The following IL7 variants were observed in gnomAD, a reference collection of about 807,000 sequenced individuals.
IL7 encodes the protein interleukin-7.
In IL7, 3 loss-of-function variants were observed where a neutral mutation model predicts 21.6. The ratio of observed to expected loss-of-function variants is 0.14; its 90% CI spans 0.06 to 0.36. The LOEUF (loss-of-function observed/expected upper bound fraction) is 0.36, where lower values mean the gene tolerates loss of function less well. Ranked by LOEUF, IL7 falls within the 10% of genes least tolerant of loss-of-function variation. IL7 has a pLI of 1.00. For synonymous variants in IL7, 62 were observed against 68.1 expected (o/e 0.91, Z 0.44); for missense variants, 175 against 200.2 (o/e 0.87, Z 0.76).
intron 3 of IL7, among the ~76,000 whole-genome samples, chr8:78,690,605 A>G (rs1453436855): frequency 6.6e-6 from 1 of 151,998 alleles, no homozygotes; most frequent in Non-Finnish European, 1.5e-5. Flanking sequence ...ACATTTATAT[A>G]TACATTTTAT....
At chr8:78,744,692 C>T (rs918286581) in intron 2 of IL7, among the ~76,000 whole-genome samples, 5 of 152,136 alleles carry the variant, frequency 3.3e-5, no homozygotes, top group African/African-American at 9.7e-5. Flanking sequence ...GTTACTTTTG[C>T]CGGGAAGCCT....
chr8:78,743,088 C>T (rs1267192530), intron 2 of IL7, among the ~76,000 whole-genome samples: 3 of 152,202 alleles, frequency 2.0e-5, no homozygotes, highest in Non-Finnish European at 4.4e-5. Context: ...TTTGTGGCTG[C>T]ATAGTGTTCC....
At chr8:78,726,288 T>C (rs1480782663) in intron 3 of IL7, among the ~76,000 whole-genome samples, 2 of 152,032 alleles carry the variant, frequency 1.3e-5, no homozygotes, top group Non-Finnish European at 2.9e-5. Context: ...TTCAATGTGA[T>C]TGATATGTGC....
intron 4 of IL7, chr8:78,678,866 T>G: frequency 5.5e-6 from 2 of 366,494 alleles, no homozygotes; most frequent in Non-Finnish European, 9.5e-6. Context: ...ACAAATTTTA[T>G]TTTAAAAAAT....
chr8:78,728,736 G>C (rs188074970), downstream of IL7, among the ~76,000 whole-genome samples: 69 of 152,022 alleles, frequency 4.5e-4, no homozygotes, highest in African/African-American at 1.6e-3. Context: ...CAGTACTTGG[G>C]GGGAGGAGAT....
intron 6 of IL7, chr8:78,718,388 TG>T (rs2130624845): frequency 6.6e-6 from 1 of 152,106 alleles, no homozygotes; most frequent in Admixed American, 6.5e-5. Context: ...TATAATTTTT[TG>T]TATCTGAATT....
chr8:78,762,337 T>C, intron 2 of IL7: 1 of 1,611,242 alleles, frequency 6.2e-7, no homozygotes, highest in Non-Finnish European at 8.5e-7. Flanking sequence ...ACTTCTGGCA[T>C]CTGGCAGGGT....
chr8:78,712,268 A>G (rs1810975691), intron 3 of IL7, among the ~76,000 whole-genome samples: 1 of 152,132 alleles, frequency 6.6e-6, no homozygotes. Flanking sequence ...AAACATTTTG[A>G]TTTTTAGTAA....
chr8:78,698,133 G>T (rs553400726), intron 3 of IL7, among the ~76,000 whole-genome samples: 1 of 152,064 alleles, frequency 6.6e-6, no homozygotes, highest in African/African-American at 2.4e-5. Flanking sequence ...TCTGAACTGG[G>T]CAATTGTTCG....
chr8:78,681,901 C>CTTTTTTTTTTTTTTTTTTTT (rs56181953), intron 4 of IL7, among the ~76,000 whole-genome samples: 3 of 126,468 alleles, frequency 2.4e-5, no homozygotes, highest in African/African-American at 2.8e-5. Context: ...CTTTTTCTTT[C>CTTTTTTTTTTTTTTTTTTTT]TTTTTTTTTT....
rs1182124242 is a variant in IL7, at chr8:78,733,032, TTTTTATTTTA to T, written c.*671_*680del. The T allele has an allele frequency of 1.3e-5, 2 of 152,094 alleles. No individual in the cohort carries two copies. The highest frequency in any genetic ancestry group is 2.9e-5 in the Non-Finnish European group (2 of 67,984). The allele number at this position is 152,094 out of a possible 1,614,324, so 9.4% of individuals were successfully genotyped here. A position where few individuals can be genotyped will look rare whatever the true frequency, so the allele number is the denominator to read the frequency against. On this transcript the variant is annotated 3_prime_UTR_variant, in exon 6 of 6. Coordinates refer to ENST00000263851, the MANE Select transcript of IL7 (RefSeq NM_000880.4). ...AGCATCCTTAGACTAGGTGAATTTA[TTTTTATTTTA>T]TTTTATTTTTTTGAAATTGTCCTTT...
At chr8:78,747,466 T>G (rs1287157831) in intron 2 of IL7, among the ~76,000 whole-genome samples, 2 of 152,182 alleles carry the variant, frequency 1.3e-5, no homozygotes, top group African/African-American at 4.8e-5. Context: ...TATGACAACC[T>G]ATCCATGGCC....
intron 2 of IL7, among the ~76,000 whole-genome samples, chr8:78,787,053 G>T (rs975423874): frequency 2.0e-4 from 30 of 152,306 alleles, no homozygotes; most frequent in African/African-American, 7.0e-4. Context: ...CTCCAGACCT[G>T]TTCTCCCATA....
chr8:78,742,157 C>CAA (rs35093575), intron 2 of IL7, among the ~76,000 whole-genome samples: 37 of 123,582 alleles, frequency 3.0e-4, no homozygotes, highest in Admixed American at 5.0e-4. Context: ...ACTAAAAATA[C>CAA]AAAAAAAAAA....
intron 2 of IL7, chr8:78,760,341 C>T (rs41308469): frequency 0.048 from 76,524 of 1,596,334 alleles, 2,427 homozygotes; most frequent in Middle Eastern, 0.065. Flanking sequence ...ATTTTCATAC[C>T]GCTCATTCTC....
In IL7 at chr8:78,738,629, T is replaced by C. The variant is rs777304157; in HGVS notation, c.235A>G (p.Met79Val). ...TTGCGAGCAGCACGGAATAAAAACA[T>C]ACCTTCCTATTATAGGAAAAAGTCA... is the stretch of plus-strand genomic sequence containing the variant. ...RHICDANKEGMFLFRAARKLR... is the reference protein window; with the variant it reads ...RHICDANKEGVFLFRAARKLR... Residue 79 changes from methionine (M) to valine (V), a missense_variant, in exon 4 of 6, where the codon ATG becomes GTG. Physicochemically the swap from Met to Val is conservative, Grantham distance 21 (BLOSUM62 1). Transcript: ENST00000263851. 4 of 1,613,056 alleles carry C rather than the reference T, an allele frequency of 2.5e-6. No individual in the cohort carries two copies. The South Asian group carries it at 4.4e-5, about 18-fold the overall frequency.
intron 2 of IL7, among the ~76,000 whole-genome samples, chr8:78,774,543 C>T (rs1321326555): frequency 2.0e-5 from 3 of 152,046 alleles, no homozygotes; most frequent in African/African-American, 7.2e-5. Flanking sequence ...CCCAGTCCTT[C>T]CTATGACCAA....
chr8:78,728,610 A>G (rs532998509), downstream of IL7, among the ~76,000 whole-genome samples: 27 of 152,206 alleles, frequency 1.8e-4, no homozygotes, highest in Admixed American at 1.4e-3. Flanking sequence ...TCTCATACAC[A>G]AATAAGTCAT....
At chr8:78,704,153 G>A (rs569755670) in intron 3 of IL7, among the ~76,000 whole-genome samples, 5 of 152,128 alleles carry the variant, frequency 3.3e-5, no homozygotes, top group Admixed American at 6.5e-5. Flanking sequence ...AGACCGAGGC[G>A]AGCGGATCAC....
Sources: allele counts gnomAD v4.1 joint callset (sites outside exome capture counted in the v4.1 genomes callset), GRCh38; gene constraint gnomAD v4.1.1; transcripts MANE v1.5; gene names NCBI Gene and HGNC (gene_info 2026-07-23, HGNC 2026-07-21).